MEP1B: variants seen among roughly 807,000 people sequenced by gnomAD.
MEP1B encodes the protein meprin A subunit beta, also known as N-benzoyl-L-tyrosyl-P-amino-benzoic acid hydrolase subunit beta.
Under a neutral mutation model 84.6 loss-of-function variants are expected in MEP1B, and 80 were observed. That is an observed-to-expected ratio of 0.95 (90% CI 0.79 to 1.14). The LOEUF is 1.14. MEP1B is among the 50% of genes most tolerant of loss of function. The probability of loss-of-function intolerance (pLI) is 0.00; values close to 1 mark genes in which losing one functional copy is unlikely to be tolerated. For missense variants in MEP1B, 766 were observed against 855.1 expected (o/e 0.90, Z 1.30); for synonymous variants, 273 against 288.1 (o/e 0.95, Z 0.53).
chr18:32,192,282 T>C (rs2040809262), intron 2 of MEP1B, among the ~76,000 whole-genome samples: 1 of 152,156 alleles, frequency 6.6e-6, no homozygotes, highest in African/African-American at 2.4e-5. Context: ...GTGATATACA[T>C]GTATGAGTAG....
chr18:32,204,207 C>A lies in MEP1B; in HGVS notation c.394C>A (p.Arg132=). Residue 132 remains arginine, a synonymous_variant, in exon 7 of 15, where the codon CGG becomes AGG. Transcript: ENST00000269202. ...CTGCTGGTCTTCAGTAGGAAATAGGCGGGTTGGGAAGCAAGAACTTTCCAT... is the reference window on the plus strand; with the variant it reads ...CTGCTGGTCTTCAGTAGGAAATAGGAGGGTTGGGAAGCAAGAACTTTCCAT... The part of the protein sequence containing the change: ...SGCWSSVGNR[R]VGKQELSIGA... The A allele has an allele frequency of 1.9e-6, 3 of 1,606,412 alleles. No individual in the cohort carries two copies. The highest frequency in any genetic ancestry group is 2.5e-6 in the Non-Finnish European group (3 of 1,176,660).
At chr18:32,210,214 A>G (rs1239746708) in intron 9 of MEP1B, among the ~76,000 whole-genome samples, 1 of 152,230 alleles carries the variant, frequency 6.6e-6, no homozygotes, top group Non-Finnish European at 1.5e-5. Context: ...CTTTATCTTT[A>G]TAGCTCATAA....
intron 5 of MEP1B, 85 bp from the exon 6 acceptor site, chr18:32,202,808 T>C: frequency 3.9e-6 from 3 of 766,268 alleles, no homozygotes; most frequent in Non-Finnish European, 6.6e-6. Context: ...TGATAAGCAA[T>C]ATATTGCAGT....
Position 32,207,303 on chromosome 18 carries a change from A to C in MEP1B, c.599A>C (p.Asn200Thr). ...TYSDDISDSL[N>T]VPYDYTSVMH... is the part of the protein sequence containing the mutation. ...AGTGACGATATATCAGATTCCCTGA[A>C]TGTTCCCTATGATTACACTTCAGTA... Residue 200 changes from asparagine to threonine, a missense_variant, in exon 8 of 15, where the codon AAT becomes ACT. Physicochemically the swap from Asn to Thr is moderately conservative, Grantham distance 65. Coordinates refer to ENST00000269202, the MANE Select transcript of MEP1B (RefSeq NM_005925.3). 3 of 1,613,386 alleles carry C rather than the reference A, an allele frequency of 1.9e-6. No individual in the cohort carries two copies. Among genetic ancestry groups the C allele is most frequent in the Non-Finnish European group, 2.5e-6 (3 of 1,179,502 alleles).
At chr18:32,211,846 G>A (rs1386328465) in intron 10 of MEP1B, among the ~76,000 whole-genome samples, 1 of 151,846 alleles carries the variant, frequency 6.6e-6, no homozygotes, top group African/African-American at 2.4e-5. Context: ...TTCCACAATT[G>A]GATCCATATT....
rs534588779 is a variant in MEP1B at position 32,192,685 on chromosome 18, A to G, written c.122A>G (p.Asn41Ser). The G allele has an allele frequency of 4.3e-5, 69 of 1,613,362 alleles. No homozygotes were observed. In the Admixed American group the frequency reaches 4.8e-4, roughly 11 times the overall value. The change falls in exon 3 of 15, where the codon AAT becomes AGT. Residue 41 changes from asparagine (N) to serine (S), a missense_variant. Coordinates refer to ENST00000269202, the MANE Select transcript of MEP1B (RefSeq NM_005925.3). ...ATGGACCAGGACATATTTGATATCA[A>G]TGAAGGTTTGTGGATTTTTTTTACA... is the stretch of plus-strand genomic sequence containing the variant. ...GGMDQDIFDI[N>S]EGLGLDLFEG...
chr18:32,217,262 C>A, intron 13 of MEP1B, 145 bp downstream of exon 13: 1 of 878,626 alleles, frequency 1.1e-6, no homozygotes, highest in Non-Finnish European at 1.6e-6. Context: ...TTTTTATTCT[C>A]CTTTTGGGGC....
chr18:32,205,289 G>A (rs80328221), intron 7 of MEP1B, among the ~76,000 whole-genome samples: 1,996 of 152,288 alleles, frequency 0.013, 23 homozygotes, highest in Non-Finnish European at 0.019. Flanking sequence ...AAGTCACAAA[G>A]TCTTAATAAC....
intron 12 of MEP1B, 110 bp from the exon 13 acceptor site, chr18:32,216,879 AAG>A: frequency 6.9e-6 from 9 of 1,296,156 alleles, no homozygotes; most frequent in Admixed American, 2.7e-5. Flanking sequence ...AAAAAAAAAA[AAG>A]AAAGAAAGAA....
Position 32,220,307 on chromosome 18 carries a change from G to T in MEP1B, c.*62G>T. 6.6e-7 allele frequency: 1 copy of T among 1,507,200 alleles called. No homozygotes were observed. The allele number at this position is 1,507,200 out of a possible 1,614,324, so 93.4% of individuals were successfully genotyped here. On this transcript the variant is annotated 3_prime_UTR_variant, in exon 15 of 15. Coordinates refer to ENST00000269202, the MANE Select transcript of MEP1B (RefSeq NM_005925.3). ...AAAAGGATTCTTCATCATGGATTTC[G>T]CCTAAGTGATATTACAGCCACCTCA...
chr18:32,211,247 C>T (rs376020069), intron 10 of MEP1B, among the ~76,000 whole-genome samples: 14 of 151,844 alleles, frequency 9.2e-5, no homozygotes, highest in African/African-American at 2.4e-4. Flanking sequence ...CCAGCCTGCG[C>T]GACAGAGCAA....
intron 14 of MEP1B, 111 bp downstream of exon 14, chr18:32,218,076 T>C (rs921768585): frequency 2.2e-6 from 2 of 893,656 alleles, no homozygotes; most frequent in Non-Finnish European, 3.5e-6. Context: ...CTCTGTTTCC[T>C]ATGCTGGGAC....
At chr18:32,209,399 AT>A (rs1282481779) in intron 9 of MEP1B, among the ~76,000 whole-genome samples, 1 of 152,008 alleles carries the variant, frequency 6.6e-6, no homozygotes, top group African/African-American at 2.4e-5. Context: ...AGGCAGGAGA[AT>A]CACTTGAACC....
chr18:32,208,279 G>A lies in MEP1B; in HGVS notation c.919+8G>A, dbSNP rs372301678. The stretch of plus-strand genomic sequence containing the variant: ...ACATGGGCCAGTGCCAAGGTAACAG[G>A]AGTGAGATATTCCTAGACTGTATAC... On this transcript the variant is annotated splice_region_variant and intron_variant, in intron 9 of 14. Coordinates refer to ENST00000269202, the MANE Select transcript of MEP1B (RefSeq NM_005925.3). The A allele has an allele frequency of 1.9e-6, 3 of 1,612,600 alleles. No individual in the cohort carries two copies. The highest frequency in any genetic ancestry group is 2.5e-6 in the Non-Finnish European group (3 of 1,179,102).
chr18:32,213,614 T>C, intron 11 of MEP1B, 55 bp downstream of exon 11: 1 of 1,381,294 alleles, frequency 7.2e-7, no homozygotes, highest in South Asian at 1.3e-5. Context: ...TAGGAGGGAC[T>C]GATAATTTTG....
chr18:32,202,868 A>C (rs2144398436), intron 5 of MEP1B, 25 bp from the exon 6 acceptor site: 1 of 1,467,050 alleles, frequency 6.8e-7, no homozygotes, highest in East Asian at 2.3e-5. Flanking sequence ...TAATAAGCTT[A>C]TTTTTGTTTG....
In MEP1B at chr18:32,215,178, C is replaced by A. The variant is rs2041069727; in HGVS notation, c.1676C>A (p.Thr559Asn). The A allele has an allele frequency of 1.2e-6, 2 of 1,612,274 alleles. No homozygotes were observed. The highest frequency in any genetic ancestry group is 2.7e-5 in the African/African-American group (2 of 74,956). Reference protein sequence around the residue: ...TQFRRGGGYGTSAFITHERLK... With the variant: ...TQFRRGGGYGNSAFITHERLK... ...TTTAGAAGAGGTGGGGGCTATGGAA[C>A]CAGTGCCTTTATAACCCACGAAAGG... The change falls in exon 12 of 15, where the codon ACC becomes AAC. Residue 559 changes from threonine (T) to asparagine (N), a missense_variant. Physicochemically the swap from Thr to Asn is moderately conservative, Grantham distance 65. Coordinates refer to ENST00000269202, the MANE Select transcript of MEP1B (RefSeq NM_005925.3).
Position 32,220,319 on chromosome 18 carries a change from T to A in MEP1B, c.*74T>A. On this transcript the variant is annotated 3_prime_UTR_variant, in exon 15 of 15. Coordinates refer to ENST00000269202, the MANE Select transcript of MEP1B (RefSeq NM_005925.3). ...CATCATGGATTTCGCCTAAGTGATA[T>A]TACAGCCACCTCATTCTTCTAAAAG... The A allele has an allele frequency of 7.5e-7, 1 of 1,329,984 alleles. No homozygotes were observed. Among genetic ancestry groups the A allele is most frequent in the Non-Finnish European group, 1.1e-6 (1 of 938,754 alleles). The allele number at this position is 1,329,984 out of a possible 1,614,324, so 82.4% of individuals were successfully genotyped here.
chr18:32,196,075 C>T lies in MEP1B; in HGVS notation c.250+590C>T. ...GTCATTGGCAGCCCGGGGCTGGGAA[C>T]CCAGGTCCTCTGGTGCCCCCGCTGG... is the stretch of plus-strand genomic sequence containing the variant. On this transcript the variant is annotated intron_variant, in intron 5 of 14. Coordinates refer to ENST00000269202, the MANE Select transcript of MEP1B (RefSeq NM_005925.3). This position sits in a 1 kb window ranked among gnomAD's most constrained non-coding sequence, Gnocchi z 4.4. 2 of 453,914 alleles carry T rather than the reference C, an allele frequency of 4.4e-6. No individual in the cohort carries two copies. The highest frequency in any genetic ancestry group is 8.2e-6 in the Non-Finnish European group (2 of 244,716). 28.1% of individuals were successfully genotyped at this position (453,914 alleles called of 1,614,324 possible).
Sources: gnomAD v4.1 joint callset for allele counts (sites outside exome capture counted in the v4.1 genomes callset) on GRCh38, gnomAD v4.1.1 for gene constraint, Gnocchi (gnomAD v3.1) non-coding constraint, MANE v1.5 for transcripts, NCBI Gene and HGNC (gene_info 2026-07-23, HGNC 2026-07-21) for gene names.